Variants in ARID3A observed in about 807,000 individuals in gnomAD.
ARID3A encodes AT-rich interactive domain-containing protein 3A.
ARID3A carries 11 observed loss-of-function variants against 52.7 expected under a neutral mutation model. The observed-to-expected ratio is 0.21, with a 90% CI of 0.13 to 0.35. ARID3A has a LOEUF of 0.35. Ranked by LOEUF, ARID3A falls within the 10% of genes least tolerant of loss-of-function variation. The probability of loss-of-function intolerance (pLI) is 1.00; values close to 1 mark genes in which losing one functional copy is unlikely to be tolerated. For synonymous variants in ARID3A, 404 were observed against 359.4 expected (o/e 1.12, Z -1.40); for missense variants, 721 against 838.5 (o/e 0.86, Z 1.73).
chr19:965,971 G>A (rs1478345727), intron 6 of ARID3A, among the ~76,000 whole-genome samples: 4 of 140,850 alleles, frequency 2.8e-5, no homozygotes, highest in Admixed American at 7.4e-5. Flanking sequence ...CAGCCTCAGC[G>A]ACAGAGTGAG....
chr19:925,985 G>T (rs1219790057), upstream of ARID3A: 1 of 151,404 alleles, frequency 6.6e-6, no homozygotes, highest in Non-Finnish European at 1.5e-5. Flanking sequence ...GGGGCGGGGC[G>T]GGGGCCGGCC....
At chr19:965,120 A>G in intron 6 of ARID3A, 40 bp downstream of exon 6, 1 of 1,549,476 alleles carries the variant, frequency 6.5e-7, no homozygotes, top group Non-Finnish European at 8.7e-7. Context: ...TTCCCAACTG[A>G]GCTTCAGCCT....
intron 3 of ARID3A, among the ~76,000 whole-genome samples, chr19:933,980 G>A (rs1490502320): frequency 6.6e-6 from 1 of 152,210 alleles, no homozygotes; most frequent in East Asian, 1.9e-4. Context: ...CTCAGTGTTG[G>A]GAGGAGGGGT....
chr19:958,388 A>G (rs551225021), intron 3 of ARID3A, among the ~76,000 whole-genome samples: 33 of 144,062 alleles, frequency 2.3e-4, no homozygotes, highest in African/African-American at 7.0e-4. Flanking sequence ...AGATCGCGCC[A>G]CTGCACTCCA....
At position 974,943 on chromosome 19, in the gene ARID3A, C is replaced by T. The variant is rs1031274796; in HGVS notation, c.*2878C>T. On this transcript the variant is annotated 3_prime_UTR_variant, in exon 9 of 9. Coordinates refer to ENST00000263620, the MANE Select transcript of ARID3A (RefSeq NM_005224.3). Reference sequence around the variant, plus strand: ...CGCTGAAGGCAGTGGCCATGCTGGCCGTGGAAATGGGAGGCGGTTGCAGAG... The same window carrying T: ...CGCTGAAGGCAGTGGCCATGCTGGCTGTGGAAATGGGAGGCGGTTGCAGAG... The T allele has an allele frequency of 4.4e-5, 10 of 229,752 alleles. No homozygotes were observed. Among genetic ancestry groups the T allele is most frequent in the South Asian group, 1.8e-4 (1 of 5,490 alleles). The allele number at this position is 229,752 out of a possible 1,614,324, so 14.2% of individuals were successfully genotyped here. A position where few individuals can be genotyped will look rare whatever the true frequency, so the allele number is the denominator to read the frequency against.
At chr19:970,667 G>T (rs1366520034) in intron 8 of ARID3A, among the ~76,000 whole-genome samples, 3 of 151,914 alleles carry the variant, frequency 2.0e-5, no homozygotes, top group African/African-American at 7.3e-5. Context: ...ATGATACGGG[G>T]TTTCACCATG....
At chr19:961,011 C>CCT (rs2038029320) in intron 4 of ARID3A, among the ~76,000 whole-genome samples, 1 of 152,172 alleles carries the variant, frequency 6.6e-6, no homozygotes, top group Non-Finnish European at 1.5e-5. Context: ...TCCGTCTCGC[C>CCT]TCCAAGTCCT....
chr19:955,832 G>C (rs1315166206), intron 3 of ARID3A, among the ~76,000 whole-genome samples: 1 of 152,176 alleles, frequency 6.6e-6, no homozygotes, highest in Non-Finnish European at 1.5e-5. Flanking sequence ...TAGCCGGGGG[G>C]CTGCGTAACG....
intron 2 of ARID3A, among the ~76,000 whole-genome samples, chr19:930,861 G>A (rs1260559203): frequency 6.6e-6 from 1 of 152,042 alleles, no homozygotes; most frequent in African/African-American, 2.4e-5. Context: ...GATGGCTACA[G>A]CAGATTCAGC....
At chr19:961,006 C>T (rs1318693590) in intron 4 of ARID3A, among the ~76,000 whole-genome samples, 2 of 152,184 alleles carry the variant, frequency 1.3e-5, no homozygotes, top group African/African-American at 4.8e-5. Flanking sequence ...GGGCTTCCGT[C>T]TCGCCTCCAA....
intron 2 of ARID3A, among the ~76,000 whole-genome samples, chr19:931,971 A>T (rs1242284288): frequency 6.7e-6 from 1 of 149,884 alleles, no homozygotes; most frequent in East Asian, 1.9e-4. Flanking sequence ...ATGGTGCAGG[A>T]TGCAGGAACC....
Position 960,159 on chromosome 19 carries a change from A to G in ARID3A, c.761A>G (p.Lys254Arg). ...GATGACTTGTTCAGCTTCATGCAGA[A>G]GCGAGGTGAGCCCTCTGCCCCCACC... is the stretch of plus-strand genomic sequence containing the variant. ...FLDDLFSFMQ[K>R]RGTPVNRIPI... Residue 254 changes from lysine (K) to arginine (R), a missense_variant, in exon 4 of 9, where the codon AAG becomes AGG. Coordinates refer to ENST00000263620, the MANE Select transcript of ARID3A (RefSeq NM_005224.3). The surrounding 1 kb of genome is among the most constrained non-coding windows in gnomAD (Gnocchi z 4.3). 1 of 1,611,416 alleles carries G rather than the reference A, an allele frequency of 6.2e-7. No individual in the cohort carries two copies. The highest frequency in any genetic ancestry group is 1.1e-5 in the South Asian group (1 of 90,746).
chr19:959,951 C>T lies in ARID3A; in HGVS notation c.694-141C>T, dbSNP rs188142574. On this transcript the variant is annotated intron_variant, in intron 3 of 8. Transcript: ENST00000263620. The surrounding 1 kb of genome is among the most constrained non-coding windows in gnomAD (Gnocchi z 5.0). ...TTCTTCACCTGCCCAGCGGGGTCTT[C>T]GGCTCTGGCAGCGGCTTGAGGGTCC... 79 of 577,238 alleles carry T rather than the reference C, an allele frequency of 1.4e-4. No homozygotes were observed. In the East Asian group the frequency reaches 2.2e-3, roughly 16 times the overall value. The allele number at this position is 577,238 out of a possible 1,614,324, so 35.8% of individuals were successfully genotyped here. A position where few individuals can be genotyped will look rare whatever the true frequency, so the allele number is the denominator to read the frequency against.
At chr19:954,702 G>A (rs1040565901) in intron 3 of ARID3A, among the ~76,000 whole-genome samples, 2 of 152,076 alleles carry the variant, frequency 1.3e-5, no homozygotes, top group East Asian at 1.9e-4. Flanking sequence ...TATCGGTCCT[G>A]GGAGGACGGG....
At chr19:961,594 T>G (rs1461957782) in intron 4 of ARID3A, among the ~76,000 whole-genome samples, 1 of 152,180 alleles carries the variant, frequency 6.6e-6, no homozygotes, top group Non-Finnish European at 1.5e-5. Context: ...CCGTGCCTGG[T>G]ACAGTGCCTG....
chr19:946,878 C>G (rs543695669), intron 3 of ARID3A, among the ~76,000 whole-genome samples: 1 of 151,976 alleles, frequency 6.6e-6, no homozygotes, highest in African/African-American at 2.4e-5. Context: ...ACTGCAGCCT[C>G]GAGCTCCTGG....
intron 8 of ARID3A, among the ~76,000 whole-genome samples, chr19:970,325 A>T (rs899095131): frequency 2.0e-5 from 3 of 151,958 alleles, no homozygotes; most frequent in Non-Finnish European, 4.4e-5. Flanking sequence ...AGGAAGAAAA[A>T]AAAAAGAATT....
chr19:935,768 C>G (rs1338505736), intron 3 of ARID3A, among the ~76,000 whole-genome samples: 1 of 151,934 alleles, frequency 6.6e-6, no homozygotes, highest in Non-Finnish European at 1.5e-5. Context: ...CGCACCCCAC[C>G]ATGGTAGGAT....
In ARID3A at chr19:959,380, C is replaced by T. The variant is rs1229750109; in HGVS notation, c.694-712C>T. ...CCTCCACTGCCCAGGCTCAAGCAATCCTCCCACCTCAGCCTCCCGAGTAGC... is the reference window on the plus strand; with the variant it reads ...CCTCCACTGCCCAGGCTCAAGCAATTCTCCCACCTCAGCCTCCCGAGTAGC... On this transcript the variant is annotated intron_variant, in intron 3 of 8. Transcript: ENST00000263620. The surrounding 1 kb of genome is among the most constrained non-coding windows in gnomAD (Gnocchi z 5.0). Among the ~76,000 whole-genome samples the T allele has an allele frequency of 6.6e-6, 1 of 152,152 alleles. No individual in the cohort carries two copies. The highest frequency in any genetic ancestry group is 6.5e-5 in the Admixed American group (1 of 15,272).
Sources: allele counts gnomAD v4.1 joint callset (sites outside exome capture counted in the v4.1 genomes callset), GRCh38; gene constraint gnomAD v4.1.1; non-coding constraint Gnocchi (gnomAD v3.1); transcripts MANE v1.5; gene names NCBI Gene and HGNC (gene_info 2026-07-23, HGNC 2026-07-21).